The following GLIS1 variants were observed in gnomAD, a reference collection of about 807,000 sequenced individuals.
GLIS1 encodes GLIS family zinc finger 1.
In GLIS1, 24 loss-of-function variants were observed where a neutral mutation model predicts 63.8. The ratio of observed to expected loss-of-function variants is 0.38; its 90% CI spans 0.27 to 0.53. GLIS1 has a LOEUF of 0.53. Ranked by LOEUF, GLIS1 falls within the 20% of genes least tolerant of loss-of-function variation. The probability of loss-of-function intolerance (pLI) is 0.85; values close to 1 mark genes in which losing one functional copy is unlikely to be tolerated. For synonymous variants in GLIS1, 450 were observed against 482.5 expected (o/e 0.93, Z 0.88); for missense variants, 1,036 against 1,074.1 (o/e 0.96, Z 0.50).
intron 2 of GLIS1, among the ~76,000 whole-genome samples, chr1:53,679,166 G>A (rs1214401276): frequency 6.6e-6 from 1 of 152,110 alleles, no homozygotes; most frequent in Non-Finnish European, 1.5e-5. Context: ...AGGCCACCCT[G>A]GACCTCTGAT....
chr1:53,625,745 G>A (rs1339162413), intron 2 of GLIS1, among the ~76,000 whole-genome samples: 3 of 152,184 alleles, frequency 2.0e-5, no homozygotes, highest in Non-Finnish European at 4.4e-5. Context: ...GAGAGACTCA[G>A]AGAAGAAACT....
chr1:53,689,901 G>A (rs537145779), intron 2 of GLIS1, among the ~76,000 whole-genome samples: 55 of 152,314 alleles, frequency 3.6e-4, no homozygotes, highest in Non-Finnish European at 5.3e-4. Context: ...CTTCAGAGCC[G>A]GTTTATCCCC....
chr1:53,514,589 G>A, intron 8 of GLIS1, 36 bp downstream of exon 8: 3 of 1,600,366 alleles, frequency 1.9e-6, no homozygotes, highest in Non-Finnish European at 2.6e-6. Context: ...ATCCCCCCTT[G>A]TTGCCCCTGG....
intron 2 of GLIS1, among the ~76,000 whole-genome samples, chr1:53,672,144 C>T (rs972957746): frequency 4.6e-5 from 7 of 152,210 alleles, no homozygotes; most frequent in African/African-American, 1.4e-4. Flanking sequence ...GCCATTCTTC[C>T]GATCCAGGTG....
chr1:53,548,368 G>C (rs543619967), intron 4 of GLIS1, among the ~76,000 whole-genome samples: 1 of 152,164 alleles, frequency 6.6e-6, no homozygotes, highest in African/African-American at 2.4e-5. Context: ...TGGTATTCCC[G>C]TGTCCACCAT....
intron 2 of GLIS1, among the ~76,000 whole-genome samples, chr1:53,657,571 G>A (rs1029080042): frequency 3.3e-5 from 5 of 152,104 alleles, no homozygotes; most frequent in African/African-American, 9.7e-5. Context: ...GAGCTACCAC[G>A]TGAGAAGCCT....
chr1:53,622,427 C>CAAAAAAAAAAA (rs60923620), intron 2 of GLIS1, among the ~76,000 whole-genome samples: 52 of 132,300 alleles, frequency 3.9e-4, no homozygotes, highest in Non-Finnish European at 5.7e-4. Context: ...GACTATGTCT[C>CAAAAAAAAAAA]AAAAAAAAAA....
In GLIS1 at chr1:53,639,257, C is replaced by T. The variant is rs1317127429; in HGVS notation, c.260-38979G>A. ...CTCCAGCATTACACTAAGGGAGCTG[C>T]GGGCTGGCAGGGCGATGGCATATCC... On this transcript the variant is annotated intron_variant, in intron 2 of 10. Coordinates refer to ENST00000628545, the MANE Select transcript of GLIS1 (RefSeq NM_001367484.1). This position sits in a 1 kb window ranked among gnomAD's most constrained non-coding sequence, Gnocchi z 4.6. Among the ~76,000 whole-genome samples, 5 of 152,266 alleles carry T rather than the reference C, an allele frequency of 3.3e-5. No individual in the cohort carries two copies. In the East Asian group the frequency reaches 5.8e-4, roughly 18 times the overall value.
At chr1:53,523,513 G>T (rs1644432781) in intron 6 of GLIS1, among the ~76,000 whole-genome samples, 1 of 152,168 alleles carries the variant, frequency 6.6e-6, no homozygotes, top group African/African-American at 2.4e-5. Flanking sequence ...TGTAAATCTG[G>T]TTGAACCAAT....
rs182100663 is a variant in GLIS1 at position 53,614,730 on chromosome 1, T to C, written c.260-14452A>G. On this transcript the variant is annotated intron_variant, in intron 2 of 10. Coordinates refer to ENST00000628545, the MANE Select transcript of GLIS1 (RefSeq NM_001367484.1). Reference sequence around the variant, plus strand: ...TTAAGGGGACTGTTCTGTTTCCTCATTGGAGTGGTGGCAATGTGACTCTAT... The same window carrying C: ...TTAAGGGGACTGTTCTGTTTCCTCACTGGAGTGGTGGCAATGTGACTCTAT... Among the ~76,000 whole-genome samples the C allele has an allele frequency of 4.0e-3, 604 of 152,256 alleles. 5 individuals are homozygous for C. Among genetic ancestry groups the C allele is most frequent in the African/African-American group, 0.014 (581 of 41,526 alleles).
intron 2 of GLIS1, among the ~76,000 whole-genome samples, chr1:53,622,159 G>A (rs1645550019): frequency 6.6e-6 from 1 of 151,766 alleles, no homozygotes. Flanking sequence ...CGGGCACAGT[G>A]GCTCACGCCT....
intron 2 of GLIS1, among the ~76,000 whole-genome samples, chr1:53,682,315 T>G (rs1397537178): frequency 6.6e-6 from 1 of 152,234 alleles, no homozygotes. Flanking sequence ...GTGTTAGGCA[T>G]GAAGGAGTGG....
At chr1:53,550,582 A>G (rs1317717727) in intron 4 of GLIS1, among the ~76,000 whole-genome samples, 1 of 152,240 alleles carries the variant, frequency 6.6e-6, no homozygotes, top group Admixed American at 6.5e-5. Context: ...GTGGCGGAAG[A>G]TAAGTCCCAC....
chr1:53,661,925 T>C (rs1250233088), intron 2 of GLIS1, among the ~76,000 whole-genome samples: 1 of 152,068 alleles, frequency 6.6e-6, no homozygotes, highest in Non-Finnish European at 1.5e-5. Flanking sequence ...CTGGGCTGTG[T>C]CTCCAAACAA....
intron 2 of GLIS1, among the ~76,000 whole-genome samples, chr1:53,732,533 G>A (rs797910): frequency 0.96 from 145,440 of 151,968 alleles, 69,768 homozygotes; most frequent in African/African-American, 0.99. Flanking sequence ...CAAGAAGTCC[G>A]TTTTTAAACT....
chr1:53,680,956 A>G (rs1646268692), intron 2 of GLIS1, among the ~76,000 whole-genome samples: 1 of 152,230 alleles, frequency 6.6e-6, no homozygotes, highest in Admixed American at 6.5e-5. Flanking sequence ...GCCACTGCCC[A>G]ACACATCTAC....
rs201614396 is a variant in GLIS1 at position 53,668,675 on chromosome 1, GT to G, written c.260-68398del. On this transcript the variant is annotated intron_variant, in intron 2 of 10. Transcript: ENST00000628545. ...CATGCCCAGCCCTATGTTTAGATAT[GT>G]TTTAGATACACAAATACTTACCATT... Among the ~76,000 whole-genome samples, 1,402 of 152,236 alleles carry G rather than the reference GT, an allele frequency of 9.2e-3. 15 individuals are homozygous for G. Among genetic ancestry groups the G allele is most frequent in the African/African-American group, 0.032 (1,348 of 41,514 alleles).
In GLIS1 at chr1:53,588,412, C is replaced by A. The variant is rs372852899; in HGVS notation, c.1320+5696G>T. On this transcript the variant is annotated intron_variant, in intron 4 of 10. Transcript: ENST00000628545. ...TTCCCACAGCCTAAACCTTCCCCAA[C>A]TTTCGATTATCAGCCCCTTCAGGGA... 3.5e-4 allele frequency among the ~76,000 whole-genome samples: 54 copies of A among 152,334 alleles called. No homozygotes were observed. The South Asian group carries it at 0.011, about 30-fold the overall frequency.
intron 2 of GLIS1, among the ~76,000 whole-genome samples, chr1:53,614,515 C>A (rs1056913483): frequency 6.6e-6 from 1 of 151,962 alleles, no homozygotes; most frequent in African/African-American, 2.4e-5. Flanking sequence ...CTGGGGGCTG[C>A]GGTGAGGATG....
Sources: allele counts gnomAD v4.1 joint callset (sites outside exome capture counted in the v4.1 genomes callset), GRCh38; gene constraint gnomAD v4.1.1; non-coding constraint Gnocchi (gnomAD v3.1); transcripts MANE v1.5; gene names NCBI Gene and HGNC (gene_info 2026-07-23, HGNC 2026-07-21).